RBFOX1: variants seen among roughly 807,000 people sequenced by gnomAD.
The protein encoded by RBFOX1 is RNA binding protein fox-1 homolog 1.
A neutral mutation model predicts 57.7 loss-of-function variants in RBFOX1; 8 were observed. That is an observed-to-expected ratio of 0.14 (90% confidence interval 0.08 to 0.25). The LOEUF is 0.25. Among genes scored for constraint, RBFOX1 ranks in the 10% least tolerant of loss-of-function variants. RBFOX1 has a pLI of 1.00. For missense variants in RBFOX1, 611 were observed against 548.5 expected, an observed-to-expected ratio of 1.11 and a Z score of -1.14; for synonymous variants, 326 against 222.4, an observed-to-expected ratio of 1.47 and a Z score of -4.15.
chr16:7,173,965 C>T (rs1009833342), intron 4 of RBFOX1, among the ~76,000 whole-genome samples: 6 of 152,114 alleles, frequency 3.9e-5, no homozygotes, highest in African/African-American at 9.7e-5. Context: ...GAAAGACAAA[C>T]CATTTGGTCT....
chr16:6,551,930 T>C (rs1861217), intron 2 of RBFOX1, among the ~76,000 whole-genome samples: 150,530 of 152,330 alleles, frequency 0.99, 74,407 homozygotes, highest in Middle Eastern at 1. Context: ...CTTTAAATTT[T>C]TGAGAGTTAT....
At chr16:7,203,952 G>A (rs1394081023) in intron 4 of RBFOX1, among the ~76,000 whole-genome samples, 1 of 152,200 alleles carries the variant, frequency 6.6e-6, no homozygotes, top group African/African-American at 2.4e-5. Flanking sequence ...GCTTTACATA[G>A]GGCTGTACAA....
chr16:6,391,319 C>G (rs2092589649), intron 2 of RBFOX1, among the ~76,000 whole-genome samples: 1 of 152,032 alleles, frequency 6.6e-6, no homozygotes, highest in Non-Finnish European at 1.5e-5. Flanking sequence ...ACCATCCTGG[C>G]TAACACGGTG....
At chr16:5,328,380 C>G (rs115889320) in intron 1 of RBFOX1, among the ~76,000 whole-genome samples, 245 of 152,320 alleles carry the variant, frequency 1.6e-3, no homozygotes, top group African/African-American at 5.6e-3. Context: ...AAAATCAAAT[C>G]TACCAACACG....
intron 3 of RBFOX1, among the ~76,000 whole-genome samples, chr16:6,893,026 A>C (rs2065899945): frequency 6.6e-6 from 1 of 152,138 alleles, no homozygotes; most frequent in Non-Finnish European, 1.5e-5. Flanking sequence ...CACTGCAGTT[A>C]CCTTTGCACC....
intron 3 of RBFOX1, among the ~76,000 whole-genome samples, chr16:7,002,458 T>C (rs2092908575): frequency 1.3e-5 from 2 of 152,222 alleles, no homozygotes; most frequent in African/African-American, 4.8e-5. Context: ...CTCATGTCTG[T>C]AATTCCAGCA....
chr16:7,119,992 T>C (rs72763561), intron 4 of RBFOX1, among the ~76,000 whole-genome samples: 40,087 of 151,980 alleles, frequency 0.26, 6,097 homozygotes, highest in Admixed American at 0.37. Context: ...TGAAATCATA[T>C]AGTTGCTTTC....
chr16:6,203,636 C>T (rs2097231823), intron 1 of RBFOX1, among the ~76,000 whole-genome samples: 2 of 152,110 alleles, frequency 1.3e-5, no homozygotes, highest in African/African-American at 4.8e-5. Flanking sequence ...AACAGGAGGT[C>T]ACCGCACACT....
chr16:6,450,176 T>A (rs2094560957), intron 2 of RBFOX1, among the ~76,000 whole-genome samples: 1 of 152,156 alleles, frequency 6.6e-6, no homozygotes, highest in African/African-American at 2.4e-5. Context: ...AACACCTGGA[T>A]CCAAATCCCA....
At chr16:7,530,684 A>T (rs550874298) in intron 5 of RBFOX1, among the ~76,000 whole-genome samples, 1 of 152,234 alleles carries the variant, frequency 6.6e-6, no homozygotes, top group Admixed American at 6.5e-5. Context: ...ATCCCCGAAG[A>T]ATGTGGAGCC....
At position 5,689,819 on chromosome 16, in the gene RBFOX1, A is replaced by G. The variant is rs551111108; in HGVS notation, c.318+90858A>G. On this transcript the variant is annotated intron_variant, in intron 3 of 19. Transcript: ENST00000641259. ...GAAATACAGACCAAAAAAAAAAAGA[A>G]GGAACACATTTGTAAATAAGTTATG... Among the ~76,000 whole-genome samples, 103 of 152,204 alleles carry G rather than the reference A, an allele frequency of 6.8e-4. 1 individual carries two copies. Among genetic ancestry groups the G allele is most frequent in the African/African-American group, 2.2e-3 (92 of 41,544 alleles).
rs559093928 is a variant in RBFOX1, at chr16:7,442,192, G to C, written c.28-75955G>C. 6.6e-5 allele frequency among the ~76,000 whole-genome samples: 10 copies of C among 152,194 alleles called. No individual in the cohort carries two copies. In the South Asian group the frequency reaches 2.1e-3, roughly 32 times the overall value. On this transcript the variant is annotated intron_variant, in intron 4 of 15. Coordinates refer to ENST00000550418, the MANE Select transcript of RBFOX1 (RefSeq NM_018723.4). ...TTACCTTTTGGCCTTCGTTCTGCCA[G>C]AGCTCCGGCTTGGTCCTAAGGGGTC...
chr16:7,451,830 C>A (rs1288509421), intron 4 of RBFOX1, among the ~76,000 whole-genome samples: 1 of 152,104 alleles, frequency 6.6e-6, no homozygotes, highest in Non-Finnish European at 1.5e-5. Context: ...CCTCCCAGTT[C>A]CCTAATCTAA....
At chr16:5,437,287 C>T (rs750752988) in intron 1 of RBFOX1, among the ~76,000 whole-genome samples, 15 of 152,184 alleles carry the variant, frequency 9.9e-5, no homozygotes, top group Non-Finnish European at 2.1e-4. Flanking sequence ...GTCATTGTCA[C>T]TCTGCACAAA....
intron 3 of RBFOX1, among the ~76,000 whole-genome samples, chr16:6,929,959 A>G (rs1255311576): frequency 6.6e-6 from 1 of 152,190 alleles, no homozygotes; most frequent in Admixed American, 6.5e-5. Context: ...TTCGTCAGGA[A>G]TCAGAATGAC....
chr16:5,827,108 C>T (rs1329613103), intron 3 of RBFOX1, among the ~76,000 whole-genome samples: 1 of 152,100 alleles, frequency 6.6e-6, no homozygotes, highest in East Asian at 1.9e-4. Flanking sequence ...TCCTTTAAAG[C>T]TACATTGAAC....
chr16:6,020,166 C>G (rs963418719), intron 1 of RBFOX1, among the ~76,000 whole-genome samples, 174 bp downstream of exon 1: 2 of 151,804 alleles, frequency 1.3e-5, no homozygotes, highest in Non-Finnish European at 2.9e-5. Context: ...CGAGGCGTGT[C>G]CCCCCCTACC....
At chr16:6,906,360 C>G (rs2069936749) in intron 3 of RBFOX1, among the ~76,000 whole-genome samples, 1 of 151,884 alleles carries the variant, frequency 6.6e-6, no homozygotes, top group South Asian at 2.1e-4. Flanking sequence ...TTGTTGAAAA[C>G]TCGGTAATAA....
chr16:6,202,666 G>T (rs189059129), intron 1 of RBFOX1, among the ~76,000 whole-genome samples: 1 of 152,048 alleles, frequency 6.6e-6, no homozygotes, highest in Admixed American at 6.5e-5. Context: ...TGATAAATTC[G>T]GAGGTAACTA....
Sources: gnomAD v4.1 joint callset for allele counts (sites outside exome capture counted in the v4.1 genomes callset) on GRCh38, gnomAD v4.1.1 for gene constraint, MANE v1.5 for transcripts, NCBI Gene and HGNC (gene_info 2026-07-23, HGNC 2026-07-21) for gene names.